The following COL11A1 variants were observed in gnomAD, a reference collection of about 807,000 sequenced individuals.
COL11A1 encodes the protein collagen alpha-1(XI) chain.
Under a neutral mutation model 265.2 loss-of-function variants are expected in COL11A1, and 74 were observed. The observed-to-expected ratio is 0.28, with a 90% CI of 0.23 to 0.34. The LOEUF is 0.34. Among genes scored for constraint, COL11A1 ranks in the 10% least tolerant of loss-of-function variants. COL11A1 has a pLI of 1.00. For missense variants in COL11A1, 2,165 were observed against 2,263.6 expected (o/e 0.96, Z 0.88); for synonymous variants, 816 against 727.6 (o/e 1.12, Z -1.96).
chr1:103,008,334 A>G (rs1246980762), intron 15 of COL11A1, 129 bp downstream of exon 15: 15 of 709,152 alleles, frequency 2.1e-5, no homozygotes, highest in Non-Finnish European at 2.0e-5. Context: ...ATTTCAAAAT[A>G]AACCCTCATA....
chr1:103,015,779 A>G (rs1666514038), intron 11 of COL11A1, 37 bp from the exon 12 acceptor site: 2 of 1,337,802 alleles, frequency 1.5e-6, no homozygotes. Flanking sequence ...ATAAATAAAT[A>G]TCAAAATAAT....
At chr1:103,042,643 A>T (rs1389805229) in intron 4 of COL11A1, among the ~76,000 whole-genome samples, 2 of 152,118 alleles carry the variant, frequency 1.3e-5, no homozygotes, top group Non-Finnish European at 2.9e-5. Context: ...TTGTCACAGT[A>T]GTCTGGGACC....
At chr1:103,041,806 A>G (rs1050308881) in intron 4 of COL11A1, among the ~76,000 whole-genome samples, 2 of 152,024 alleles carry the variant, frequency 1.3e-5, no homozygotes, top group African/African-American at 4.8e-5. Context: ...TGAACAGTAA[A>G]CGATGGAAGG....
Position 103,005,876 on chromosome 1 carries a change from C to T in COL11A1, c.1807G>A (p.Asp603Asn), listed in dbSNP as rs1338412988. 6.2e-7 allele frequency: 1 copy of T among 1,610,796 alleles called. No individual in the cohort carries two copies. Among genetic ancestry groups the T allele is most frequent in the East Asian group, 2.2e-5 (1 of 44,618 alleles). The change falls in exon 18 of 67, where the codon GAT (aspartate) becomes AAT (asparagine). Residue 603 changes from aspartate to asparagine, a missense_variant. Transcript: ENST00000370096. ...TCACCTGGCAGACCCGGAAGTCCAT[C>T]AAACCCTCGATCTCCCTGTAAAACC... Reference protein sequence around the residue: ...EPGAKGDRGFDGLPGLPGDKG... With the variant: ...EPGAKGDRGFNGLPGLPGDKG...
intron 49 of COL11A1, among the ~76,000 whole-genome samples, chr1:102,919,888 T>C (rs531252263): frequency 2.0e-5 from 3 of 152,190 alleles, no homozygotes; most frequent in East Asian, 1.9e-4. Context: ...GATTCCTTTT[T>C]CCCTTTAAGT....
intron 54 of COL11A1, among the ~76,000 whole-genome samples, chr1:102,899,730 CA>C: frequency 6.6e-6 from 1 of 151,992 alleles, no homozygotes; most frequent in East Asian, 1.9e-4. Flanking sequence ...CCTTAATTTT[CA>C]TAATAAATTG....
At chr1:103,039,543 A>G (rs1384482068) in intron 4 of COL11A1, among the ~76,000 whole-genome samples, 1 of 152,134 alleles carries the variant, frequency 6.6e-6, no homozygotes, top group Non-Finnish European at 1.5e-5. Context: ...AAGACCATGT[A>G]AAGACACAGG....
Position 103,105,944 on chromosome 1 carries a change from A to T in COL11A1, c.106+2129T>A, listed in dbSNP as rs138603438. Among the ~76,000 whole-genome samples, 1,063 of 152,320 alleles carry T rather than the reference A, an allele frequency of 7.0e-3. 13 individuals are homozygous for T. Among genetic ancestry groups the T allele is most frequent in the African/African-American group, 0.024 (1,012 of 41,568 alleles). ...CACATAACAAAATCTTAAAATATAAATATCTAAACTACCACTTAACTTTCA... is the reference window on the plus strand; with the variant it reads ...CACATAACAAAATCTTAAAATATAATTATCTAAACTACCACTTAACTTTCA... On this transcript the variant is annotated intron_variant, in intron 1 of 66. Transcript: ENST00000370096.
intron 13 of COL11A1, 90 bp downstream of exon 13, chr1:103,014,421 T>C: frequency 9.4e-7 from 1 of 1,063,866 alleles, no homozygotes; most frequent in Non-Finnish European, 1.5e-6. Context: ...AATATTCTAT[T>C]AATAATGGTA....
intron 3 of COL11A1, 123 bp from the exon 4 acceptor site, chr1:103,074,903 A>C (rs1671855967): frequency 4.3e-6 from 5 of 1,150,394 alleles, no homozygotes; most frequent in Non-Finnish European, 6.3e-6. Context: ...CAAAAAATGT[A>C]GGCTCATTTA....
Position 103,071,363 on chromosome 1 carries a change from A to C in COL11A1, c.651+3255T>G, listed in dbSNP as rs79572328. ...AGACTCCAAAAATAATTGTATTGAC[A>C]ATAAATACAAGCAATACAACTTTTC... On this transcript the variant is annotated intron_variant, in intron 4 of 66. Coordinates refer to ENST00000370096, the MANE Select transcript of COL11A1 (RefSeq NM_001854.4). 3.1e-3 allele frequency among the ~76,000 whole-genome samples: 472 copies of C among 152,038 alleles called. 3 individuals are homozygous for C. The highest frequency in any genetic ancestry group is 0.011 in the African/African-American group (454 of 41,522).
At chr1:103,017,697 T>C in intron 11 of COL11A1, 123 bp downstream of exon 11, 2 of 828,790 alleles carry the variant, frequency 2.4e-6, no homozygotes, top group South Asian at 2.7e-5. Context: ...CAGCACTGAA[T>C]TCATGCTGCC....
At chr1:102,926,204 G>A (rs1286289538) in intron 46 of COL11A1, among the ~76,000 whole-genome samples, 1 of 152,068 alleles carries the variant, frequency 6.6e-6, no homozygotes, top group Non-Finnish European at 1.5e-5. Flanking sequence ...ACTCTGAAAA[G>A]CACTCTAGGG....
chr1:103,037,950 A>G (rs1348098585), intron 4 of COL11A1, among the ~76,000 whole-genome samples: 1 of 152,160 alleles, frequency 6.6e-6, no homozygotes, highest in Admixed American at 6.6e-5. Context: ...AATCATCTAG[A>G]TTCCAAATTT....
At chr1:103,071,102 C>G (rs1265244692) in intron 4 of COL11A1, among the ~76,000 whole-genome samples, 1 of 151,826 alleles carries the variant, frequency 6.6e-6, no homozygotes, top group African/African-American at 2.4e-5. Context: ...TAAAAAAATG[C>G]AAAATGTCCA....
Position 103,003,239 on chromosome 1 carries a change from T to TC in COL11A1, c.1973dup (p.Thr659AsnfsTer55). ...CAGGCTGCCCTGGAGCTCCTGGAGT[T>TC]CCCCTTGGACCCAGCAAACCTCGTG... On this transcript the variant is annotated frameshift_variant, in exon 21 of 67. Transcript: ENST00000370096. LOFTEE classifies it high-confidence loss of function. 1 of 1,613,162 alleles carries TC rather than the reference T, an allele frequency of 6.2e-7. No individual in the cohort carries two copies. Among genetic ancestry groups the TC allele is most frequent in the Non-Finnish European group, 8.5e-7 (1 of 1,179,780 alleles).
chr1:102,917,939 G>T (rs1486726528), intron 49 of COL11A1, among the ~76,000 whole-genome samples: 1 of 151,538 alleles, frequency 6.6e-6, no homozygotes, highest in Admixed American at 6.6e-5. Flanking sequence ...TTAGATCCAA[G>T]TGTGCACAAT....
At chr1:103,102,722 T>A (rs1411178397) in intron 1 of COL11A1, among the ~76,000 whole-genome samples, 5 of 152,056 alleles carry the variant, frequency 3.3e-5, no homozygotes, top group Admixed American at 6.6e-5. Context: ...TATCTCAGCA[T>A]TTTTTAAACT....
intron 44 of COL11A1, among the ~76,000 whole-genome samples, chr1:102,935,722 G>A (rs1658067847): frequency 2.0e-5 from 3 of 152,092 alleles, no homozygotes; most frequent in South Asian, 4.1e-4. Context: ...AACGGGTCAG[G>A]CAATATAAAA....
Sources: allele counts gnomAD v4.1 joint callset (sites outside exome capture counted in the v4.1 genomes callset), GRCh38; gene constraint gnomAD v4.1.1; transcripts MANE v1.5; gene names NCBI Gene and HGNC (gene_info 2026-07-23, HGNC 2026-07-21).